PRKG1: variants seen among roughly 807,000 people sequenced by gnomAD.
PRKG1 encodes protein kinase cGMP-dependent 1.
A neutral mutation model predicts 88.1 loss-of-function variants in PRKG1; 35 were observed. The observed-to-expected ratio is 0.40, with a 90% CI of 0.30 to 0.53. PRKG1 has a LOEUF of 0.53. Among genes scored for constraint, PRKG1 ranks in the 20% least tolerant of loss-of-function variants. PRKG1 has a pLI of 0.59. For synonymous variants in PRKG1, 303 were observed against 292.5 expected, an observed-to-expected ratio of 1.04 and a Z score of -0.37; for missense variants, 540 against 839.8, an observed-to-expected ratio of 0.64 and a Z score of 4.41.
chr10:51,411,057 G>T (rs1354134166), intron 2 of PRKG1, among the ~76,000 whole-genome samples: 1 of 151,754 alleles, frequency 6.6e-6, no homozygotes, highest in African/African-American at 2.4e-5. Context: ...GCAATACAGT[G>T]GTGTGATCTC....
chr10:51,048,628 T>C (rs1451172590), intron 1 of PRKG1, among the ~76,000 whole-genome samples: 1 of 152,200 alleles, frequency 6.6e-6, no homozygotes, highest in Non-Finnish European at 1.5e-5. Flanking sequence ...TTTCCTTACA[T>C]TAGCTGGGAA....
chr10:51,403,174 C>A (rs1369062771), intron 2 of PRKG1, among the ~76,000 whole-genome samples: 1 of 152,184 alleles, frequency 6.6e-6, no homozygotes, highest in Non-Finnish European at 1.5e-5. Flanking sequence ...TCTGGACAGA[C>A]TTCCCCTATG....
chr10:51,069,834 G>T (rs1304735694), upstream of PRKG1, among the ~76,000 whole-genome samples: 1 of 152,040 alleles, frequency 6.6e-6, no homozygotes, highest in African/African-American at 2.4e-5. Flanking sequence ...AAGATTCTTA[G>T]AACTTTTAGT....
intron 12 of PRKG1, among the ~76,000 whole-genome samples, chr10:52,276,249 C>T (rs1020383892): frequency 6.6e-6 from 1 of 152,064 alleles, no homozygotes; most frequent in Non-Finnish European, 1.5e-5. Flanking sequence ...GAGTGGGCAT[C>T]CTTATTTTGT....
intron 2 of PRKG1, among the ~76,000 whole-genome samples, chr10:51,324,613 C>T (rs1477875982): frequency 2.7e-5 from 4 of 149,568 alleles, no homozygotes; most frequent in Non-Finnish European, 4.4e-5. Flanking sequence ...TGGTGGCGGG[C>T]GCCTGTAATC....
intron 1 of PRKG1, among the ~76,000 whole-genome samples, chr10:51,119,502 T>C (rs1301463796): frequency 6.6e-6 from 1 of 152,030 alleles, no homozygotes; most frequent in East Asian, 1.9e-4. Flanking sequence ...GAAAAAAGAA[T>C]CATGCCTTAA....
At chr10:52,082,878 A>G (rs1194015136) in intron 7 of PRKG1, among the ~76,000 whole-genome samples, 1 of 152,160 alleles carries the variant, frequency 6.6e-6, no homozygotes, top group Non-Finnish European at 1.5e-5. Flanking sequence ...TTTGCTTCTA[A>G]TAATTGATGA....
At chr10:52,182,907 A>T (rs1183218280) in intron 9 of PRKG1, among the ~76,000 whole-genome samples, 1 of 152,200 alleles carries the variant, frequency 6.6e-6, no homozygotes. Flanking sequence ...CAAGTATGGC[A>T]CTAGCACCTG....
At chr10:52,115,207 A>AC (rs1847658684) in intron 7 of PRKG1, among the ~76,000 whole-genome samples, 1 of 152,080 alleles carries the variant, frequency 6.6e-6, no homozygotes, top group South Asian at 2.1e-4. Flanking sequence ...GACCCAAACA[A>AC]CATTGGCCAT....
At chr10:51,142,110 A>G (rs1410373140) in intron 1 of PRKG1, among the ~76,000 whole-genome samples, 1 of 152,098 alleles carries the variant, frequency 6.6e-6, no homozygotes, top group Non-Finnish European at 1.5e-5. Flanking sequence ...ATGTAGGAAT[A>G]AAAGGAGAGA....
At chr10:51,777,688 T>C (rs1838476837) in intron 3 of PRKG1, among the ~76,000 whole-genome samples, 1 of 152,164 alleles carries the variant, frequency 6.6e-6, no homozygotes, top group South Asian at 2.1e-4. Flanking sequence ...TGGGTGTGGA[T>C]AAATGTAAAA....
intron 7 of PRKG1, among the ~76,000 whole-genome samples, chr10:52,070,191 A>T (rs968038742): frequency 6.6e-6 from 1 of 152,188 alleles, no homozygotes; most frequent in East Asian, 1.9e-4. Flanking sequence ...TCCTTTGCCC[A>T]CTATTGCTCC....
intron 3 of PRKG1, among the ~76,000 whole-genome samples, chr10:51,752,870 G>T (rs1258720041): frequency 6.6e-6 from 1 of 152,024 alleles, no homozygotes; most frequent in African/African-American, 2.4e-5. Context: ...ATATAATATT[G>T]AGTAGTTCCT....
chr10:51,776,469 A>C (rs1445696606), intron 3 of PRKG1, among the ~76,000 whole-genome samples: 2 of 152,184 alleles, frequency 1.3e-5, no homozygotes, highest in African/African-American at 4.8e-5. Context: ...GTATAAATTA[A>C]TGAATCTTTT....
At chr10:51,180,450 T>G (rs1404411498) in intron 2 of PRKG1, among the ~76,000 whole-genome samples, 1 of 152,222 alleles carries the variant, frequency 6.6e-6, no homozygotes, top group Non-Finnish European at 1.5e-5. Flanking sequence ...GATCCCCATC[T>G]TTGAAGTAAA....
chr10:52,039,923 A>C (rs953974624), intron 5 of PRKG1, among the ~76,000 whole-genome samples: 9 of 152,154 alleles, frequency 5.9e-5, no homozygotes, highest in African/African-American at 2.2e-4. Flanking sequence ...GCAAAATCCT[A>C]AATGACTCTA....
intron 8 of PRKG1, among the ~76,000 whole-genome samples, chr10:52,151,497 TG>T (rs1243786036): frequency 6.6e-6 from 1 of 152,224 alleles, no homozygotes; most frequent in Non-Finnish European, 1.5e-5. Context: ...ATTAAACATA[TG>T]TGAAACTTAT....
intron 12 of PRKG1, among the ~76,000 whole-genome samples, chr10:52,279,369 C>T (rs1290979721): frequency 2.0e-5 from 3 of 152,050 alleles, no homozygotes; most frequent in Non-Finnish European, 4.4e-5. Flanking sequence ...ATTCAGGAGT[C>T]ATGGTAATTA....
intron 4 of PRKG1, among the ~76,000 whole-genome samples, chr10:51,884,676 C>T (rs1306230086): frequency 6.6e-6 from 1 of 152,130 alleles, no homozygotes; most frequent in Non-Finnish European, 1.5e-5. Context: ...GGTGGACTCA[C>T]ATCATTCAGG....
Sources: allele counts gnomAD v4.1 joint callset (sites outside exome capture counted in the v4.1 genomes callset), GRCh38; gene constraint gnomAD v4.1.1; transcripts MANE v1.5; gene names NCBI Gene and HGNC (gene_info 2026-07-23, HGNC 2026-07-21).